The following TGFBR3 variants were observed in gnomAD, a reference collection of about 807,000 sequenced individuals.
TGFBR3 encodes transforming growth factor beta receptor type 3.
A neutral mutation model predicts 87.9 loss-of-function variants in TGFBR3; 46 were observed. That is an observed-to-expected ratio of 0.52 (90% confidence interval 0.41 to 0.67). TGFBR3 has a LOEUF of 0.67. TGFBR3 is among the 30% of genes least tolerant of loss of function. TGFBR3 has a pLI of 0.00. For missense variants in TGFBR3, 866 were observed against 1,041.9 expected (o/e 0.83, Z 2.32); for synonymous variants, 381 against 391.6 (o/e 0.97, Z 0.32).
intron 1 of TGFBR3, among the ~76,000 whole-genome samples, chr1:91,904,634 G>A (rs546898558): frequency 8.4e-5 from 12 of 143,636 alleles, no homozygotes; most frequent in Admixed American, 5.0e-4. Context: ...GTGCAATCTC[G>A]GCTCACTGCA....
intron 14 of TGFBR3, among the ~76,000 whole-genome samples, chr1:91,706,887 A>C (rs1364460191): frequency 6.6e-6 from 1 of 152,182 alleles, no homozygotes; most frequent in African/African-American, 2.4e-5. Flanking sequence ...CTTTCTCCTG[A>C]ACCCAATAAA....
At chr1:91,770,768 C>T (rs912846004) in intron 3 of TGFBR3, 1 of 152,204 alleles carries the variant, frequency 6.6e-6, no homozygotes, top group Non-Finnish European at 1.5e-5. Context: ...AGTGAGAAAT[C>T]TGTAACTTAA....
intron 4 of TGFBR3, among the ~76,000 whole-genome samples, chr1:91,752,035 A>AT (rs1280771709): frequency 2.0e-5 from 3 of 151,894 alleles, no homozygotes; most frequent in Non-Finnish European, 4.4e-5. Context: ...TAGTTAAGTG[A>AT]TTTTTTTTCC....
intron 2 of TGFBR3, among the ~76,000 whole-genome samples, chr1:91,823,520 C>T (rs1015054004): frequency 1.4e-4 from 22 of 152,282 alleles, no homozygotes; most frequent in African/African-American, 4.8e-4. Context: ...ATCCATACCG[C>T]GGAAAACATT....
intron 1 of TGFBR3, among the ~76,000 whole-genome samples, chr1:91,876,029 G>A (rs200618530): frequency 7.2e-5 from 11 of 151,930 alleles, no homozygotes; most frequent in Admixed American, 5.9e-4. Context: ...AAAAATGGGG[G>A]AAAAAGGATA....
chr1:91,868,816 T>A (rs1678478832), intron 1 of TGFBR3, among the ~76,000 whole-genome samples: 1 of 152,170 alleles, frequency 6.6e-6, no homozygotes, highest in Admixed American at 6.5e-5. Flanking sequence ...AAACGCTGTC[T>A]CTACAAAAAA....
intron 2 of TGFBR3, among the ~76,000 whole-genome samples, chr1:91,802,354 C>CT (rs557077567): frequency 3.2e-3 from 486 of 151,644 alleles, no homozygotes; most frequent in African/African-American, 0.011. Context: ...CTTATTTCTC[C>CT]TTTTTTTTCT....
chr1:91,707,213 A>G (rs561299919), intron 14 of TGFBR3, among the ~76,000 whole-genome samples: 4 of 152,360 alleles, frequency 2.6e-5, no homozygotes, highest in Non-Finnish European at 5.9e-5. Flanking sequence ...TCCCACAGCC[A>G]GTTAGCAGAG....
At chr1:91,811,557 G>C (rs1676030181) in intron 2 of TGFBR3, among the ~76,000 whole-genome samples, 1 of 152,124 alleles carries the variant, frequency 6.6e-6, no homozygotes, top group South Asian at 2.1e-4. Context: ...AAAAAGTTTG[G>C]ATTTTGCTGT....
At chr1:91,841,793 CAAAA>C (rs57953815) in intron 2 of TGFBR3, among the ~76,000 whole-genome samples, 1 of 88,818 alleles carries the variant, frequency 1.1e-5, no homozygotes. Context: ...GACTCCATCT[CAAAA>C]AAAAAAAAAA....
chr1:91,762,906 A>C (rs1371036031), intron 3 of TGFBR3, among the ~76,000 whole-genome samples: 1 of 149,824 alleles, frequency 6.7e-6, no homozygotes, highest in African/African-American at 2.5e-5. Flanking sequence ...TCTAAGGAGC[A>C]CAAAGCCTCT....
intron 3 of TGFBR3, among the ~76,000 whole-genome samples, chr1:91,772,335 A>AATCCCACTTTTGTTTAGG (rs1553165996): frequency 2.0e-5 from 3 of 151,366 alleles, no homozygotes; most frequent in Admixed American, 6.6e-5. Context: ...AACAATTTTA[A>AATCCCACTTTTGTTTAGG]ATCCCATTTT....
intron 4 of TGFBR3, among the ~76,000 whole-genome samples, chr1:91,747,848 C>T (rs981419246): frequency 1.3e-5 from 2 of 152,234 alleles, no homozygotes; most frequent in African/African-American, 2.4e-5. Context: ...CAGCGGCTTC[C>T]GCTCATGCCT....
intron 2 of TGFBR3, among the ~76,000 whole-genome samples, chr1:91,800,241 A>ATAT (rs1487819855): frequency 2.3e-5 from 3 of 129,398 alleles, no homozygotes; most frequent in African/African-American, 9.5e-5. Context: ...AAAAAAAAAA[A>ATAT]ATATATATAT....
At chr1:91,722,188 CAG>C in intron 7 of TGFBR3, 44 bp from the exon 8 acceptor site, 2 of 1,473,426 alleles carry the variant, frequency 1.4e-6, no homozygotes, top group Non-Finnish European at 1.9e-6. Context: ...TAAAATTAAA[CAG>C]TACTTTAGAT....
At chr1:91,755,590 A>G (rs1031615513) in intron 4 of TGFBR3, among the ~76,000 whole-genome samples, 2 of 152,214 alleles carry the variant, frequency 1.3e-5, no homozygotes, top group Non-Finnish European at 2.9e-5. Context: ...CAATCTCCTT[A>G]CATGGGATTG....
intron 2 of TGFBR3, among the ~76,000 whole-genome samples, chr1:91,827,251 A>T (rs1676679001): frequency 6.6e-6 from 1 of 152,170 alleles, no homozygotes; most frequent in Admixed American, 6.5e-5. Context: ...CAACAGAACC[A>T]GCGGGGCGTG....
intron 2 of TGFBR3, among the ~76,000 whole-genome samples, chr1:91,848,305 T>C (rs1347755513): frequency 1.3e-5 from 2 of 152,198 alleles, no homozygotes; most frequent in Non-Finnish European, 2.9e-5. Flanking sequence ...ATGAGCCTGT[T>C]AAAAATCTAC....
At chr1:91,892,309 G>A (rs1679467784) in intron 2 of TGFBR3, among the ~76,000 whole-genome samples, 1 of 152,120 alleles carries the variant, frequency 6.6e-6, no homozygotes, top group Non-Finnish European at 1.5e-5. Context: ...ATTCCAGAAG[G>A]AAAACTCCAT....
Sources: allele counts gnomAD v4.1 joint callset (sites outside exome capture counted in the v4.1 genomes callset), GRCh38; gene constraint gnomAD v4.1.1; transcripts MANE v1.5; gene names NCBI Gene and HGNC (gene_info 2026-07-23, HGNC 2026-07-21).